Variants in TRPM8 observed in about 807,000 individuals in gnomAD.
TRPM8 encodes the protein TRPM8 cationic channel.
In TRPM8, 110 loss-of-function variants were observed where a neutral mutation model predicts 133.7. That is an observed-to-expected ratio of 0.82 (90% CI 0.70 to 0.96). The LOEUF is 0.96. TRPM8 is among the 40% of genes least tolerant of loss of function. The pLI, the probability that TRPM8 is intolerant of heterozygous loss-of-function variation, is 0.00. For missense variants in TRPM8, 1,291 were observed against 1,379.5 expected (o/e 0.94, Z 1.02); for synonymous variants, 535 against 532.3 (o/e 1.01, Z -0.07).
At chr2:233,934,671 A>G (rs201186213) in intron 3 of TRPM8, among the ~76,000 whole-genome samples, 2 of 152,204 alleles carry the variant, frequency 1.3e-5, no homozygotes, top group East Asian at 3.8e-4. Context: ...TTCCTTGTTG[A>G]GTGGCTTTGG....
chr2:233,996,338 C>A lies in TRPM8; in HGVS notation c.2952C>A (p.Gly984=), dbSNP rs1354266338. 2 of 1,613,994 alleles carry A rather than the reference C, an allele frequency of 1.2e-6. No individual in the cohort carries two copies. Among genetic ancestry groups the A allele is most frequent in the Admixed American group, 3.3e-5 (2 of 59,998 alleles). ...CTTCCCTCACCAGCTACACGGTGGGCACCGTCCAGGAGAACAATGACCAGG... is the reference window on the plus strand; with the variant it reads ...CTTCCCTCACCAGCTACACGGTGGGAACCGTCCAGGAGAACAATGACCAGG... ...LLVAMFGYTV[G]TVQENNDQVW... Residue 984 remains glycine, a synonymous_variant, in exon 22 of 26, where the codon GGC becomes GGA. Transcript: ENST00000324695.
At position 233,924,475 on chromosome 2, in the gene TRPM8, T is replaced by A. The variant is rs190430804; in HGVS notation, c.-5-2058T>A. Among the ~76,000 whole-genome samples the A allele has an allele frequency of 5.3e-4, 80 of 152,296 alleles. 2 individuals carry two copies. Among genetic ancestry groups the A allele is most frequent in the Admixed American group, 5.1e-3 (78 of 15,298 alleles). On this transcript the variant is annotated intron_variant, in intron 1 of 25. Coordinates refer to ENST00000324695, the MANE Select transcript of TRPM8 (RefSeq NM_024080.5). ...CTTCTTCCAATGCTTCTTTTACTTC[T>A]GAGCCTGAAGTCCTGCAACAATGTG...
Position 233,980,259 on chromosome 2 carries a change from C to T in TRPM8, c.2427C>T (p.Phe809=). The T allele has an allele frequency of 3.1e-6, 5 of 1,597,862 alleles. No individual in the cohort carries two copies. The highest frequency in any genetic ancestry group is 3.4e-6 in the Non-Finnish European group (4 of 1,175,320). Residue 809 remains phenylalanine (F), a synonymous_variant, in exon 18 of 26, where the codon TTC becomes TTT. Coordinates refer to ENST00000324695, the MANE Select transcript of TRPM8 (RefSeq NM_024080.5). ...NVMDTLGLFY[F]IAGIVFRLHS... ...TGGACACGCTGGGGCTTTTTTACTTCATAGCAGGAATTGTATTTCGGTAAG... is the reference window on the plus strand; with the variant it reads ...TGGACACGCTGGGGCTTTTTTACTTTATAGCAGGAATTGTATTTCGGTAAG...
At position 233,982,328 on chromosome 2, in the gene TRPM8, T is replaced by C. The variant is rs11563253; in HGVS notation, c.2589+413T>C. ...ATAGTGAGGATTGGAACCTGAATCA[T>C]GTAACTGTGTAATATAGATACAGGG... is the stretch of plus-strand genomic sequence containing the variant. On this transcript the variant is annotated intron_variant, in intron 19 of 25. Coordinates refer to ENST00000324695, the MANE Select transcript of TRPM8 (RefSeq NM_024080.5). Among the ~76,000 whole-genome samples the C allele has an allele frequency of 5.0e-3, 768 of 152,310 alleles. 9 individuals are homozygous for C. Among genetic ancestry groups the C allele is most frequent in the African/African-American group, 0.018 (735 of 41,550 alleles).
intron 1 of TRPM8, among the ~76,000 whole-genome samples, chr2:233,925,846 G>A (rs1691503627): frequency 6.6e-6 from 1 of 152,122 alleles, no homozygotes; most frequent in South Asian, 2.1e-4. Context: ...GGAGACGAGG[G>A]GAGAGGGGCC....
intron 5 of TRPM8, among the ~76,000 whole-genome samples, chr2:233,942,172 C>T (rs1368217796): frequency 2.6e-5 from 4 of 151,056 alleles, no homozygotes; most frequent in Admixed American, 6.6e-5. Context: ...CTCTGCCTCC[C>T]GGGTTCAAGA....
intron 21 of TRPM8, among the ~76,000 whole-genome samples, chr2:233,992,503 A>G (rs1692304140): frequency 6.6e-6 from 1 of 152,068 alleles, no homozygotes. Context: ...TGAATTCTAA[A>G]CGTCTGTTCC....
At chr2:233,971,214 T>C (rs1691705501) in intron 17 of TRPM8, among the ~76,000 whole-genome samples, 1 of 152,190 alleles carries the variant, frequency 6.6e-6, no homozygotes, top group Non-Finnish European at 1.5e-5. Context: ...GTTTCCGAGG[T>C]ACAATGCCGT....
chr2:233,964,020 A>G (rs1292715171), intron 13 of TRPM8, among the ~76,000 whole-genome samples: 5 of 152,164 alleles, frequency 3.3e-5, no homozygotes, highest in Non-Finnish European at 7.3e-5. Flanking sequence ...TCTATGTTCA[A>G]GACTGTGAAC....
intron 5 of TRPM8, among the ~76,000 whole-genome samples, chr2:233,941,096 T>C (rs1321603607): frequency 6.6e-6 from 1 of 152,230 alleles, no homozygotes; most frequent in African/African-American, 2.4e-5. Context: ...TGTTTTGAAC[T>C]GGATCAGAGC....
intron 11 of TRPM8, among the ~76,000 whole-genome samples, chr2:233,960,105 G>A (rs1691395018): frequency 6.6e-6 from 1 of 152,102 alleles, no homozygotes; most frequent in Non-Finnish European, 1.5e-5. Context: ...TTTATCAGAA[G>A]CCCAGAATGT....
intron 24 of TRPM8, among the ~76,000 whole-genome samples, chr2:234,010,303 G>C (rs952983458): frequency 8.5e-5 from 13 of 152,270 alleles, no homozygotes; most frequent in Non-Finnish European, 1.6e-4. Context: ...GTGGAAAATG[G>C]CAGCATTTCT....
chr2:233,999,531 G>A (rs1559548147), intron 22 of TRPM8, among the ~76,000 whole-genome samples: 1 of 152,068 alleles, frequency 6.6e-6, no homozygotes, highest in East Asian at 1.9e-4. Context: ...GGCCATCGTG[G>A]CCCTGTTTGG....
chr2:233,964,905 G>C, intron 14 of TRPM8, 148 bp downstream of exon 14: 2 of 749,124 alleles, frequency 2.7e-6, no homozygotes, highest in Non-Finnish European at 2.0e-6. Flanking sequence ...ACAAGGTCTG[G>C]ATGCGACAAT....
intron 6 of TRPM8, 107 bp from the exon 7 acceptor site, chr2:233,945,749 A>G (rs1691025173): frequency 1.0e-6 from 1 of 965,114 alleles, no homozygotes; most frequent in Admixed American, 2.1e-5. Context: ...AGGAGGCATA[A>G]TGTGATTGAA....
chr2:233,992,722 T>A (rs1692310431), intron 21 of TRPM8, among the ~76,000 whole-genome samples: 1 of 152,126 alleles, frequency 6.6e-6, no homozygotes, highest in Non-Finnish European at 1.5e-5. Flanking sequence ...ATTGCAGAAT[T>A]CTCTCAGGGA....
Position 233,927,924 on chromosome 2 carries a change from T to TTCTC in TRPM8, c.117+1304_117+1307dup, listed in dbSNP as rs1178731456. On this transcript the variant is annotated intron_variant, in intron 2 of 25. Transcript: ENST00000324695. ...TTTCTTTCTTTCTCTCTCTCTCTCT[T>TTCTC]TCTCTCTCTCTCTCTCTCTCTCTCT... Among the ~76,000 whole-genome samples the TTCTC allele has an allele frequency of 4.6e-3, 128 of 28,064 alleles. 8 individuals are homozygous for TTCTC. The highest frequency in any genetic ancestry group is 0.024 in the Middle Eastern group (1 of 42). 18.4% of individuals were successfully genotyped at this position (28,064 alleles called of 152,430 possible).
chr2:234,007,803 C>T (rs1403453622), intron 23 of TRPM8, among the ~76,000 whole-genome samples: 1 of 152,234 alleles, frequency 6.6e-6, no homozygotes, highest in African/African-American at 2.4e-5. Flanking sequence ...AAGGGACACA[C>T]AGACTTACAA....
chr2:233,971,267 C>T (rs891010993), intron 17 of TRPM8, among the ~76,000 whole-genome samples: 2 of 152,184 alleles, frequency 1.3e-5, no homozygotes, highest in South Asian at 4.1e-4. Context: ...GCTGTTCTTG[C>T]CCTTACAGAG....
Sources: allele counts gnomAD v4.1 joint callset (sites outside exome capture counted in the v4.1 genomes callset), GRCh38; gene constraint gnomAD v4.1.1; transcripts MANE v1.5; gene names NCBI Gene and HGNC (gene_info 2026-07-23, HGNC 2026-07-21).